TCF7L2: variants seen among roughly 807,000 people sequenced by gnomAD.
TCF7L2 encodes transcription factor 7-like 2.
A neutral mutation model predicts 77.9 loss-of-function variants in TCF7L2; 23 were observed. The ratio of observed to expected loss-of-function variants is 0.30; its 90% CI spans 0.21 to 0.42. The LOEUF (loss-of-function observed/expected upper bound fraction) is 0.42. Among genes scored for constraint, TCF7L2 ranks in the 10% least tolerant of loss-of-function variants. TCF7L2 has a pLI of 1.00. For synonymous variants in TCF7L2, 413 were observed against 340.2 expected (o/e 1.21, Z -2.36); for missense variants, 654 against 793.1 (o/e 0.82, Z 2.11).
chr10:113,034,677 T>C (rs563855982), intron 4 of TCF7L2, among the ~76,000 whole-genome samples: 1 of 152,100 alleles, frequency 6.6e-6, no homozygotes, highest in Admixed American at 6.5e-5. Flanking sequence ...GGGAGGGTCA[T>C]CTGAGGTCAG....
chr10:112,952,146 C>T (rs972953801), intron 3 of TCF7L2, among the ~76,000 whole-genome samples: 1 of 152,192 alleles, frequency 6.6e-6, no homozygotes, highest in African/African-American at 2.4e-5. Context: ...GGGTTTCCTC[C>T]AGGCATTGGA....
rs771614599 is a variant in TCF7L2, at chr10:113,165,654, G to A, written c.1491G>A (p.Pro497=). 20 of 1,096,326 alleles carry A rather than the reference G, an allele frequency of 1.8e-5. No homozygotes were observed. Among genetic ancestry groups the A allele is most frequent in the Non-Finnish European group, 2.3e-5 (18 of 799,998 alleles). 67.9% of individuals were successfully genotyped at this position (1,096,326 alleles called of 1,614,324 possible). A position where few individuals can be genotyped will look rare whatever the true frequency, so the allele number is the denominator to read the frequency against. Residue 497 remains proline (P), a synonymous_variant, in exon 14 of 14, where the codon CCG becomes CCA. Transcript: ENST00000627217. ...TACTAGATTCGCCTCCCCCCTCCCC[G>A]AACCTGCTAGGCTCCCCTCCCCGAG... is the stretch of plus-strand genomic sequence containing the variant.
chr10:113,013,785 A>T (rs2046859409), intron 4 of TCF7L2, among the ~76,000 whole-genome samples: 1 of 152,184 alleles, frequency 6.6e-6, no homozygotes, highest in Admixed American at 6.5e-5. Context: ...GGTGGGGTCC[A>T]TCTTTCTGAA....
At chr10:113,117,403 CTCTCTCTCTCTCTCTCTCTCTCTCT>C (rs2063908483) in intron 5 of TCF7L2, among the ~76,000 whole-genome samples, 1 of 49,002 alleles carries the variant, frequency 2.0e-5, no homozygotes, top group Non-Finnish European at 4.3e-5. Context: ...CTCTCTCTCT[CTCTCTCTCTCTCTCTCTCTCTCTCT>C]CTCTCCCTCT....
intron 4 of TCF7L2, among the ~76,000 whole-genome samples, chr10:113,014,718 G>A (rs1481977192): frequency 1.3e-5 from 2 of 152,134 alleles, no homozygotes; most frequent in Non-Finnish European, 2.9e-5. Context: ...CCCAGGAGGC[G>A]GAGGCTGCAG....
At chr10:113,081,256 C>A (rs1470443839) in intron 5 of TCF7L2, among the ~76,000 whole-genome samples, 1 of 152,238 alleles carries the variant, frequency 6.6e-6, no homozygotes, top group Admixed American at 6.5e-5. Context: ...CCTCTTCTCC[C>A]TCTTGGCCCC....
chr10:112,991,456 C>T (rs986884978), intron 4 of TCF7L2, among the ~76,000 whole-genome samples: 9 of 150,690 alleles, frequency 6.0e-5, no homozygotes, highest in African/African-American at 1.7e-4. Flanking sequence ...TGCAGTGAGC[C>T]GAGATCGCCC....
chr10:113,040,055 G>A lies in TCF7L2; in HGVS notation c.481G>A (p.Val161Ile). Reference sequence around the variant, plus strand: ...CCAGATGAAATGGCCACTGCTTGATGTCCAGGCAGGGAGCCTCCAGAGTAG... The same window carrying A: ...CCAGATGAAATGGCCACTGCTTGATATCCAGGCAGGGAGCCTCCAGAGTAG... The change falls in exon 5 of 14, where the codon GTC becomes ATC. Residue 161 changes from valine to isoleucine, a missense_variant. Val to Ile is a conservative substitution (Grantham distance 29). Around this residue, in one of 6 missense-constraint regions of TCF7L2, gnomAD observed 179 missense variants for 270.6 expected, o/e 0.66. Transcript: ENST00000627217. The A allele has an allele frequency of 3.7e-6, 6 of 1,613,950 alleles. No individual in the cohort carries two copies. The highest frequency in any genetic ancestry group is 1.1e-5 in the South Asian group (1 of 91,054).
intron 5 of TCF7L2, among the ~76,000 whole-genome samples, chr10:113,122,795 G>A (rs978290323): frequency 6.6e-6 from 1 of 152,190 alleles, no homozygotes; most frequent in African/African-American, 2.4e-5. Flanking sequence ...AGATGGGAAA[G>A]TGTGGTCCGG....
At chr10:113,141,116 C>G (rs929393689) in intron 5 of TCF7L2, 68 bp from the exon 6 acceptor site, 4 of 1,590,204 alleles carry the variant, frequency 2.5e-6, no homozygotes, top group Non-Finnish European at 3.4e-6. Flanking sequence ...CCCACGGGCC[C>G]GGTGCTCTGA....
chr10:113,030,260 T>C (rs2049992401), intron 4 of TCF7L2, among the ~76,000 whole-genome samples: 2 of 152,258 alleles, frequency 1.3e-5, no homozygotes. Context: ...TTGTTTTTAT[T>C]ACTGAATAGT....
At chr10:113,054,411 G>C (rs1272092699) in intron 5 of TCF7L2, among the ~76,000 whole-genome samples, 1 of 152,106 alleles carries the variant, frequency 6.6e-6, no homozygotes, top group Non-Finnish European at 1.5e-5. Context: ...ATGATGTTTG[G>C]CAGTTCCCCT....
intron 5 of TCF7L2, among the ~76,000 whole-genome samples, chr10:113,064,720 T>C (rs1050353583): frequency 3.3e-5 from 5 of 152,358 alleles, no homozygotes; most frequent in African/African-American, 1.2e-4. Flanking sequence ...TCACGGCATA[T>C]AAAACTACCA....
intron 4 of TCF7L2, among the ~76,000 whole-genome samples, chr10:113,001,675 GC>G (rs2044506990): frequency 6.6e-6 from 1 of 152,086 alleles, no homozygotes; most frequent in African/African-American, 2.4e-5. Flanking sequence ...CCCCTATCAT[GC>G]CCCCTAACAC....
chr10:113,050,139 A>T (rs1219096756), intron 5 of TCF7L2, among the ~76,000 whole-genome samples: 1 of 152,178 alleles, frequency 6.6e-6, no homozygotes. Context: ...CTGGACCGTG[A>T]TTAAGTGCAT....
chr10:112,977,899 C>A (rs2039730173), intron 4 of TCF7L2, among the ~76,000 whole-genome samples: 1 of 152,106 alleles, frequency 6.6e-6, no homozygotes, highest in Non-Finnish European at 1.5e-5. Flanking sequence ...TGTAAATAAA[C>A]CAATAAGGAA....
Position 113,159,917 on chromosome 10 carries a change from C to T in TCF7L2, c.1319-702C>T, listed in dbSNP as rs1389834737. The T allele has an allele frequency of 6.8e-7, 1 of 1,462,940 alleles. No homozygotes were observed. Among genetic ancestry groups the T allele is most frequent in the Non-Finnish European group, 9.2e-7 (1 of 1,086,402 alleles). 90.6% of individuals were successfully genotyped at this position (1,462,940 alleles called of 1,614,324 possible). A position where few individuals can be genotyped will look rare whatever the true frequency, so the allele number is the denominator to read the frequency against. On this transcript the variant is annotated intron_variant, in intron 12 of 13. Transcript: ENST00000627217. ...TGCTCGCTTCTCTCTTGAACTCATT[C>T]AGACCTGAGCGCTCCTAAGAAATGC...
chr10:113,080,681 T>G (rs990677767), intron 5 of TCF7L2, among the ~76,000 whole-genome samples: 1 of 152,256 alleles, frequency 6.6e-6, no homozygotes, highest in Non-Finnish European at 1.5e-5. Context: ...TACATTTTTA[T>G]GCAATAATTT....
intron 5 of TCF7L2, among the ~76,000 whole-genome samples, chr10:113,077,368 A>G (rs113388749): frequency 0.021 from 3,160 of 152,300 alleles, 102 homozygotes; most frequent in African/African-American, 0.071. Flanking sequence ...CAGTTCACCC[A>G]TTTAAAGTAT....
Sources: gnomAD v4.1 joint callset for allele counts (sites outside exome capture counted in the v4.1 genomes callset) on GRCh38, gnomAD v4.1.1 for gene constraint, gnomAD v4.1.1 regional missense constraint, MANE v1.5 for transcripts, NCBI Gene and HGNC (gene_info 2026-07-23, HGNC 2026-07-21) for gene names.